The following CCNE2 variants were observed in gnomAD, a reference collection of about 807,000 sequenced individuals.
CCNE2 encodes cyclin E2.
CCNE2 carries 18 observed loss-of-function variants against 56.8 expected under a neutral mutation model. The ratio of observed to expected loss-of-function variants is 0.32; its 90% confidence interval spans 0.22 to 0.47. The LOEUF is 0.47. Among genes scored for constraint, CCNE2 ranks in the 20% least tolerant of loss-of-function variants. CCNE2 has a pLI of 1.00. For missense variants in CCNE2, 371 were observed against 467.1 expected (o/e 0.79, Z 1.90); for synonymous variants, 139 against 149.2 (o/e 0.93, Z 0.50).
chr8:94,884,999 T>G, intron 9 of CCNE2, 68 bp downstream of exon 9: 8 of 1,393,168 alleles, frequency 5.7e-6, no homozygotes, highest in Non-Finnish European at 8.0e-6. Context: ...ATAGCCTATT[T>G]AAGACTATAT....
intron 9 of CCNE2, chr8:94,883,945 A>T (rs1429546754): frequency 2.2e-6 from 1 of 456,048 alleles, no homozygotes; most frequent in African/African-American, 2.0e-5. Flanking sequence ...GTGAAATATT[A>T]CTGTTATATA....
chr8:94,882,867 A>G lies in CCNE2; in HGVS notation c.857T>C (p.Ile286Thr), dbSNP rs771199108. ...TCTGTACTGGAACTCTAATGAATCA[A>G]TGGCTAGAATACACAGATCTAAAAG... is the stretch of plus-strand genomic sequence containing the variant. ...AQLLDLCILA[I>T]DSLEFQYRIL... Residue 286 changes from isoleucine to threonine, a missense_variant, in exon 10 of 12, where the codon ATT becomes ACT. By Grantham distance (89) the Ile-to-Thr change is moderately conservative (BLOSUM62 -1). Transcript: ENST00000308108. 8 of 1,612,450 alleles carry G rather than the reference A, an allele frequency of 5.0e-6. No individual in the cohort carries two copies. In the South Asian group the frequency reaches 6.6e-5, roughly 13 times the overall value.
intron 5 of CCNE2, chr8:94,891,106 G>A (rs1359194689): frequency 6.6e-6 from 1 of 152,182 alleles, no homozygotes; most frequent in Non-Finnish European, 1.5e-5. Flanking sequence ...GTGGGAACCT[G>A]GACTATGATC....
intron 7 of CCNE2, among the ~76,000 whole-genome samples, chr8:94,886,626 C>T (rs537499086): frequency 3.9e-5 from 6 of 152,206 alleles, no homozygotes; most frequent in African/African-American, 2.4e-5. Context: ...ACTGTAGCCT[C>T]GGAGGTCGAG....
At chr8:94,888,337 G>T (rs1817108463) in intron 6 of CCNE2, among the ~76,000 whole-genome samples, 1 of 152,078 alleles carries the variant, frequency 6.6e-6, no homozygotes. Context: ...GATACTGAAT[G>T]GTTAACATTG....
Position 94,887,961 on chromosome 8 carries a change from C to G in CCNE2, c.566G>C (p.Gly189Ala), listed in dbSNP as rs948631600. ...DINKNMLQLIGITSLFIASKL... is the reference protein window; with the variant it reads ...DINKNMLQLIAITSLFIASKL... ...GGAAGCAATGAATAATGAGGTAATT[C>G]CAATGAGTTGAAGCATATTTTTATT... is the stretch of plus-strand genomic sequence containing the variant. Residue 189 changes from glycine (G) to alanine (A), a missense_variant, in exon 7 of 12, where the codon GGA (glycine) becomes GCA (alanine). Gly to Ala is a moderately conservative substitution (Grantham distance 60). Coordinates refer to ENST00000308108, the MANE Select transcript of CCNE2 (RefSeq NM_057749.3). 6.3e-7 allele frequency: 1 copy of G among 1,595,906 alleles called. No individual in the cohort carries two copies. Among genetic ancestry groups the G allele is most frequent in the Non-Finnish European group, 8.5e-7 (1 of 1,172,946 alleles).
Position 94,894,228 on chromosome 8 carries a change from C to T in CCNE2, c.-7G>A. 6.2e-7 allele frequency: 1 copy of T among 1,614,004 alleles called. No individual in the cohort carries two copies. The highest frequency in any genetic ancestry group is 8.5e-7 in the Non-Finnish European group (1 of 1,179,986). On this transcript the variant is annotated 5_prime_UTR_variant, in exon 2 of 12. Transcript: ENST00000308108. ...GTTACCTTCGTCTTGACATTCTCTT[C>T]TTTCAGGTGTATAAAACCTCTGAAG...
rs186514269 is a variant in CCNE2 at position 94,886,392 on chromosome 8, T to C, written c.601-834A>G. Among the ~76,000 whole-genome samples the C allele has an allele frequency of 2.2e-3, 328 of 151,584 alleles. 1 individual carries two copies. Among genetic ancestry groups the C allele is most frequent in the Non-Finnish European group, 3.5e-3 (234 of 67,816 alleles). On this transcript the variant is annotated intron_variant, in intron 7 of 11. Transcript: ENST00000308108. ...AAACTTGCTTTAAGATTGCCTGATATGGTTAGTCAGATCAAAAGGAGACAC... is the reference window on the plus strand; with the variant it reads ...AAACTTGCTTTAAGATTGCCTGATACGGTTAGTCAGATCAAAAGGAGACAC...
At position 94,880,792 on chromosome 8, in the gene CCNE2, TAG is replaced by T. The variant is rs537932642; in HGVS notation, c.*838_*839del. The T allele has an allele frequency of 1.3e-5, 5 of 398,564 alleles. No homozygotes were observed. The South Asian group carries it at 6.4e-4, about 51-fold the overall frequency. The allele number at this position is 398,564 out of a possible 1,614,324, so 24.7% of individuals were successfully genotyped here. ...AAAAAAAAATTCCTTAGGGATATCT[TAG>T]AGTAGTAAAGTGACTTCCTCATATA... On this transcript the variant is annotated 3_prime_UTR_variant, in exon 12 of 12. Coordinates refer to ENST00000308108, the MANE Select transcript of CCNE2 (RefSeq NM_057749.3).
chr8:94,890,572 AC>A (rs1315597903), intron 5 of CCNE2, 22 bp from the exon 6 acceptor site: 1 of 1,120,046 alleles, frequency 8.9e-7, no homozygotes, highest in East Asian at 3.0e-5. Flanking sequence ...GAGGAAAAAA[AC>A]CATATATATA....
chr8:94,881,428 T>C lies in CCNE2; in HGVS notation c.*204A>G. The stretch of plus-strand genomic sequence containing the variant: ...AGACATCTTTGTAAACAAGTCCTGC[T>C]GTTTCTTTAACAGCTAACATAGGAA... On this transcript the variant is annotated 3_prime_UTR_variant, in exon 12 of 12. Transcript: ENST00000308108. The C allele has an allele frequency of 1.8e-6, 1 of 553,926 alleles. No homozygotes were observed. Among genetic ancestry groups the C allele is most frequent in the Non-Finnish European group, 3.1e-6 (1 of 318,688 alleles). The allele number at this position is 553,926 out of a possible 1,614,324, so 34.3% of individuals were successfully genotyped here. A position where few individuals can be genotyped will look rare whatever the true frequency, so the allele number is the denominator to read the frequency against.
At chr8:94,889,681 T>C (rs1817159991) in intron 6 of CCNE2, among the ~76,000 whole-genome samples, 1 of 152,220 alleles carries the variant, frequency 6.6e-6, no homozygotes, top group South Asian at 2.1e-4. Context: ...CTTAGAATGC[T>C]TCATCTCTTG....
At position 94,881,121 on chromosome 8, in the gene CCNE2, T is replaced by C; in HGVS notation, c.*511A>G. The C allele has an allele frequency of 2.5e-6, 1 of 396,420 alleles. No individual in the cohort carries two copies. The highest frequency in any genetic ancestry group is 3.6e-5 in the East Asian group (1 of 27,918). The allele number at this position is 396,420 out of a possible 1,614,324, so 24.6% of individuals were successfully genotyped here. A position where few individuals can be genotyped will look rare whatever the true frequency, so the allele number is the denominator to read the frequency against. Reference sequence around the variant, plus strand: ...CTTGCTATAGCAGCTATAGATAAATTAGTCACCTTATTACAAAACTAAACC... The same window carrying C: ...CTTGCTATAGCAGCTATAGATAAATCAGTCACCTTATTACAAAACTAAACC... On this transcript the variant is annotated 3_prime_UTR_variant, in exon 12 of 12. Coordinates refer to ENST00000308108, the MANE Select transcript of CCNE2 (RefSeq NM_057749.3).
At chr8:94,885,358 GT>G in intron 8 of CCNE2, 104 bp downstream of exon 8, 1 of 1,031,184 alleles carries the variant, frequency 9.7e-7, no homozygotes, top group South Asian at 1.5e-5. Context: ...TAATACCTCA[GT>G]TTTGACTTTT....
intron 7 of CCNE2, among the ~76,000 whole-genome samples, chr8:94,885,805 A>G (rs1312501463): frequency 7.4e-6 from 1 of 134,348 alleles, no homozygotes; most frequent in Non-Finnish European, 1.5e-5. Flanking sequence ...TGCAACTTCC[A>G]CCTTCCAGGC....
upstream of CCNE2, chr8:94,895,270 T>C (rs1035998946): frequency 6.4e-5 from 63 of 985,058 alleles, no homozygotes; most frequent in African/African-American, 7.0e-5. Context: ...CGCCTCAGAC[T>C]GACACCTCCG....
rs563657635 is a variant in CCNE2, at chr8:94,881,590, C to A, written c.*42G>T. The A allele has an allele frequency of 1.4e-5, 23 of 1,603,858 alleles. 1 individual carries two copies. The South Asian group carries it at 2.1e-4, about 15-fold the overall frequency. On this transcript the variant is annotated 3_prime_UTR_variant, in exon 12 of 12. Transcript: ENST00000308108. ...AGTAGTTCAGTGATACCAGTTCTAC[C>A]CAATCTTGGTGAATTCCAACTTGTT...
At chr8:94,896,206 C>G (rs1332420104), upstream of CCNE2, among the ~76,000 whole-genome samples, 4 of 150,790 alleles carry the variant, frequency 2.7e-5, no homozygotes, top group African/African-American at 9.7e-5. Flanking sequence ...CCCCGGGGAC[C>G]TGGCCGGGTG....
intron 7 of CCNE2, 82 bp downstream of exon 7, chr8:94,887,845 A>G (rs190906392): frequency 2.2e-6 from 2 of 907,600 alleles, no homozygotes; most frequent in African/African-American, 1.7e-5. Context: ...AATATAAAAC[A>G]TAGTATTCTT....
Sources: gnomAD v4.1 joint callset for allele counts (sites outside exome capture counted in the v4.1 genomes callset) on GRCh38, gnomAD v4.1.1 for gene constraint, MANE v1.5 for transcripts, NCBI Gene and HGNC (gene_info 2026-07-23, HGNC 2026-07-21) for gene names.